Variants in TRAF3IP1 observed in about 807,000 individuals in gnomAD.
TRAF3IP1 encodes the protein TRAF3-interacting protein 1.
A neutral mutation model predicts 89.9 loss-of-function variants in TRAF3IP1; 53 were observed. That is an observed-to-expected ratio of 0.59 (90% confidence interval 0.47 to 0.74). TRAF3IP1 has a LOEUF of 0.74. Among genes scored for constraint, TRAF3IP1 ranks in the 30% least tolerant of loss-of-function variants. The pLI is 0.00. For missense variants in TRAF3IP1, 806 were observed against 866.1 expected (o/e 0.93, Z 0.87); for synonymous variants, 311 against 322.1 (o/e 0.97, Z 0.37).
intron 15 of TRAF3IP1, among the ~76,000 whole-genome samples, chr2:238,358,529 G>C (rs1383855578): frequency 2.0e-5 from 3 of 152,098 alleles, no homozygotes; most frequent in Non-Finnish European, 2.9e-5. Flanking sequence ...GAGCAAGCCT[G>C]TCTCAAAAAA....
At chr2:238,374,714 C>G (rs937032069) in intron 15 of TRAF3IP1, among the ~76,000 whole-genome samples, 1 of 152,152 alleles carries the variant, frequency 6.6e-6, no homozygotes, top group Non-Finnish European at 1.5e-5. Flanking sequence ...GTACCAGCTC[C>G]TCTTTGTACC....
At position 238,345,871 on chromosome 2, in the gene TRAF3IP1, C is replaced by T. The variant is rs553382483; in HGVS notation, c.1261+1273C>T. ...AGCACTGGCGCTGTGGAAGCACAGG[C>T]GTCGGGGAGGATGGTGTGGGCCATG... is the stretch of plus-strand genomic sequence containing the variant. On this transcript the variant is annotated intron_variant, in intron 9 of 16. Coordinates refer to ENST00000373327, the MANE Select transcript of TRAF3IP1 (RefSeq NM_015650.4). The surrounding 1 kb of genome is among the most constrained non-coding windows in gnomAD (Gnocchi z 4.7). Among the ~76,000 whole-genome samples, 10 of 152,118 alleles carry T rather than the reference C, an allele frequency of 6.6e-5. No individual in the cohort carries two copies. Among genetic ancestry groups the T allele is most frequent in the East Asian group, 3.9e-4 (2 of 5,156 alleles).
chr2:238,384,341 T>TGG (rs1559392387), intron 15 of TRAF3IP1, among the ~76,000 whole-genome samples: 1,358 of 114,844 alleles, frequency 0.012, 19 homozygotes, highest in East Asian at 0.044. Context: ...CAACCTGATG[T>TGG]ATGTATGTAT....
chr2:238,334,078 GT>G (rs5839695), intron 7 of TRAF3IP1, 43 bp downstream of exon 7: 4,168 of 1,078,244 alleles, frequency 3.9e-3, no homozygotes, highest in Middle Eastern at 4.9e-3. Flanking sequence ...ATGGATATTA[GT>G]TTTTTTTTTT....
chr2:238,356,373 T>G (rs1034349997), intron 15 of TRAF3IP1, among the ~76,000 whole-genome samples: 15 of 152,150 alleles, frequency 9.9e-5, no homozygotes, highest in Non-Finnish European at 1.6e-4. Flanking sequence ...GGCGCATGCC[T>G]GTAGTCCCAG....
At chr2:238,382,508 A>G (rs1351115311) in intron 15 of TRAF3IP1, among the ~76,000 whole-genome samples, 1 of 152,244 alleles carries the variant, frequency 6.6e-6, no homozygotes, top group Non-Finnish European at 1.5e-5. Flanking sequence ...TTAAGTTGTC[A>G]TTTGCATCTG....
intron 15 of TRAF3IP1, among the ~76,000 whole-genome samples, chr2:238,393,012 G>A (rs1192315620): frequency 6.6e-6 from 1 of 152,230 alleles, no homozygotes; most frequent in Non-Finnish European, 1.5e-5. Context: ...GCATGCATTT[G>A]TATACAGGTT....
At chr2:238,385,474 T>C (rs926821874) in intron 15 of TRAF3IP1, among the ~76,000 whole-genome samples, 1 of 152,244 alleles carries the variant, frequency 6.6e-6, no homozygotes, top group Admixed American at 6.5e-5. Flanking sequence ...GAACTAGGAA[T>C]AGAAAACTAC....
At chr2:238,336,477 T>C (rs1451978935) in intron 7 of TRAF3IP1, among the ~76,000 whole-genome samples, 1 of 152,140 alleles carries the variant, frequency 6.6e-6, no homozygotes, top group East Asian at 1.9e-4. Flanking sequence ...CCTCTGTGTC[T>C]TGCTCAAGGG....
At chr2:238,326,336 C>T (rs1697831465) in intron 3 of TRAF3IP1, among the ~76,000 whole-genome samples, 1 of 152,156 alleles carries the variant, frequency 6.6e-6, no homozygotes, top group African/African-American at 2.4e-5. Flanking sequence ...TGCTTCCAGC[C>T]AGGGCTGCAG....
chr2:238,338,408 G>A lies in TRAF3IP1; in HGVS notation c.1110G>A (p.Val370=), dbSNP rs570337103. ...NISAKSLDSI[V]SGINNEPNQE... ...CAGCTAAAAGTTTAGACTCCATAGT[G>A]TCTGGAATAAATAATGAGCCAAATC... The change falls in exon 8 of 17, where the codon GTG becomes GTA. Residue 370 remains valine (V), a synonymous_variant. Coordinates refer to ENST00000373327, the MANE Select transcript of TRAF3IP1 (RefSeq NM_015650.4). 441 of 1,601,126 alleles carry A rather than the reference G, an allele frequency of 2.8e-4. 5 individuals are homozygous for A. In the South Asian group the frequency reaches 4.7e-3, roughly 17 times the overall value.
chr2:238,349,044 G>C (rs934665592), intron 11 of TRAF3IP1, among the ~76,000 whole-genome samples, 196 bp downstream of exon 11: 2 of 152,148 alleles, frequency 1.3e-5, no homozygotes, highest in African/African-American at 4.8e-5. Context: ...ATATTTTGGA[G>C]ATTTAGGGGA....
chr2:238,334,078 G>GTTTTTTTTT (rs5839695), intron 7 of TRAF3IP1, 43 bp downstream of exon 7: 4 of 1,089,730 alleles, frequency 3.7e-6, no homozygotes, highest in Non-Finnish European at 2.6e-6. Flanking sequence ...ATGGATATTA[G>GTTTTTTTTT]TTTTTTTTTT....
intron 10 of TRAF3IP1, among the ~76,000 whole-genome samples, chr2:238,348,244 A>G (rs1326030536): frequency 6.6e-6 from 1 of 152,150 alleles, no homozygotes; most frequent in Non-Finnish European, 1.5e-5. Flanking sequence ...TGGTAATTCT[A>G]CTGCTTATAA....
chr2:238,329,376 A>T lies in TRAF3IP1; in HGVS notation c.915+34A>T, dbSNP rs200839710. 190 of 1,339,654 alleles carry T rather than the reference A, an allele frequency of 1.4e-4. 1 individual carries two copies. The African/African-American group carries it at 2.7e-3, about 19-fold the overall frequency. 83.0% of individuals were successfully genotyped at this position (1,339,654 alleles called of 1,614,324 possible). A position where few individuals can be genotyped will look rare whatever the true frequency, so the allele number is the denominator to read the frequency against. On this transcript the variant is annotated intron_variant, in intron 5 of 16. Coordinates refer to ENST00000373327, the MANE Select transcript of TRAF3IP1 (RefSeq NM_015650.4). ...TTGCTGAGAACCTCGCCTTTTGCTT[A>T]GCAAGAGTTTGTGGTGGTCTCAAAC...
Position 238,325,877 on chromosome 2 carries a change from A to C in TRAF3IP1, c.261A>C (p.Pro87=). The C allele has an allele frequency of 6.2e-7, 1 of 1,614,232 alleles. No individual in the cohort carries two copies. The highest frequency in any genetic ancestry group is 8.5e-7 in the Non-Finnish European group (1 of 1,180,030). The change falls in exon 3 of 17, where the codon CCA becomes CCC. Residue 87 remains proline, a synonymous_variant. Coordinates refer to ENST00000373327, the MANE Select transcript of TRAF3IP1 (RefSeq NM_015650.4). ...IDVVVMVSGE[P]LLAKPARIVA... ...TGGTTGTAATGGTGTCGGGAGAGCC[A>C]CTGTTGGCCAAACCAGCCCGAATCG...
At chr2:238,320,986 T>C (rs1188906184) in intron 1 of TRAF3IP1, among the ~76,000 whole-genome samples, 2 of 139,900 alleles carry the variant, frequency 1.4e-5, no homozygotes, top group African/African-American at 5.4e-5. Flanking sequence ...GTCGGGGACC[T>C]GTTCAGGGCC....
In TRAF3IP1 at chr2:238,399,239, G is replaced by T; in HGVS notation, c.*320G>T. ...AGTTCTGTACCAGAACTCTCTAGCA[G>T]GTAAGTGGTGTGGGCATACCAAGGG... On this transcript the variant is annotated 3_prime_UTR_variant, in exon 17 of 17. Transcript: ENST00000373327. 1 of 200,044 alleles carries T rather than the reference G, an allele frequency of 5.0e-6. No homozygotes were observed. The highest frequency in any genetic ancestry group is 1.0e-5 in the Non-Finnish European group (1 of 98,238). 12.4% of individuals were successfully genotyped at this position (200,044 alleles called of 1,614,324 possible).
chr2:238,321,349 G>A (rs1697534162), intron 1 of TRAF3IP1, among the ~76,000 whole-genome samples: 2 of 152,202 alleles, frequency 1.3e-5, no homozygotes, highest in Non-Finnish European at 2.9e-5. Context: ...TAAATCCTGG[G>A]AGAATGGAAA....
Sources: gnomAD v4.1 joint callset for allele counts (sites outside exome capture counted in the v4.1 genomes callset) on GRCh38, gnomAD v4.1.1 for gene constraint, Gnocchi (gnomAD v3.1) non-coding constraint, MANE v1.5 for transcripts, NCBI Gene and HGNC (gene_info 2026-07-23, HGNC 2026-07-21) for gene names.